Variants in RALGPS1 observed in about 807,000 individuals in gnomAD.
RALGPS1 encodes ras-specific guanine nucleotide-releasing factor RalGPS1.
RALGPS1 carries 19 observed loss-of-function variants against 78.8 expected under a neutral mutation model. That is an observed-to-expected ratio of 0.24 (90% CI 0.17 to 0.35). The LOEUF (loss-of-function observed/expected upper bound fraction) is 0.35, where lower values mean the gene tolerates loss of function less well. RALGPS1 is among the 10% of genes least tolerant of loss of function. The pLI, the probability that RALGPS1 is intolerant of heterozygous loss-of-function variation, is 1.00. For missense variants in RALGPS1, 454 were observed against 688.3 expected, an observed-to-expected ratio of 0.66 and a Z score of 3.81; for synonymous variants, 228 against 256.3, an observed-to-expected ratio of 0.89 and a Z score of 1.06.
At chr9:126,947,070 G>C (rs1418801211) in intron 1 of RALGPS1, among the ~76,000 whole-genome samples, 1 of 152,182 alleles carries the variant, frequency 6.6e-6, no homozygotes, top group African/African-American at 2.4e-5. Context: ...CTGGTCTTCA[G>C]AGAAATGCAT....
At chr9:127,138,401 C>A (rs1226343194) in intron 8 of RALGPS1, among the ~76,000 whole-genome samples, 1 of 152,142 alleles carries the variant, frequency 6.6e-6, no homozygotes, top group Non-Finnish European at 1.5e-5. Context: ...GGCCATCAAG[C>A]CACCAGTGAG....
At chr9:127,194,967 G>C in intron 11 of RALGPS1, 124 bp from the exon 12 acceptor site, 1 of 1,192,832 alleles carries the variant, frequency 8.4e-7, no homozygotes, top group Non-Finnish European at 1.2e-6. Context: ...TGCCCCACCT[G>C]TGACAGCTGG....
intron 11 of RALGPS1, among the ~76,000 whole-genome samples, chr9:127,185,679 T>C (rs1192330963): frequency 6.6e-6 from 1 of 152,236 alleles, no homozygotes; most frequent in Non-Finnish European, 1.5e-5. Flanking sequence ...GTGTAGTTGT[T>C]GCCTTTACCG....
chr9:127,001,655 T>C (rs1175837556), intron 4 of RALGPS1, among the ~76,000 whole-genome samples: 2 of 151,770 alleles, frequency 1.3e-5, no homozygotes, highest in East Asian at 3.9e-4. Flanking sequence ...GGAGGCTGAG[T>C]TGGGTGGATT....
chr9:126,931,044 T>G (rs867003260), intron 1 of RALGPS1, among the ~76,000 whole-genome samples: 21 of 152,172 alleles, frequency 1.4e-4, no homozygotes, highest in African/African-American at 4.8e-4. Flanking sequence ...TAGGCCAGAG[T>G]AGGTATGGAG....
chr9:127,202,633 G>A (rs953933954), intron 14 of RALGPS1, among the ~76,000 whole-genome samples: 1 of 152,162 alleles, frequency 6.6e-6, no homozygotes, highest in African/African-American at 2.4e-5. Context: ...GAGATGCAGG[G>A]AGGTGTTTGT....
Position 127,212,774 on chromosome 9 carries a change from C to G in RALGPS1, c.1446+55C>G. On this transcript the variant is annotated intron_variant, in intron 16 of 18. Transcript: ENST00000259351. This position sits in a 1 kb window ranked among gnomAD's most constrained non-coding sequence, Gnocchi z 6.0. ...GGACTTCCTCTAGTGGGGAAGGGACCTCTGTGAACTGTGGAGGATGGGGGT... is the reference window on the plus strand; with the variant it reads ...GGACTTCCTCTAGTGGGGAAGGGACGTCTGTGAACTGTGGAGGATGGGGGT... 1 of 1,534,352 alleles carries G rather than the reference C, an allele frequency of 6.5e-7. No individual in the cohort carries two copies. The highest frequency in any genetic ancestry group is 9.0e-7 in the Non-Finnish European group (1 of 1,115,708).
chr9:127,183,792 T>C lies in RALGPS1; in HGVS notation c.910+9010T>C. 2.2e-6 allele frequency: 3 copies of C among 1,341,788 alleles called. No individual in the cohort carries two copies. The highest frequency in any genetic ancestry group is 3.0e-6 in the Non-Finnish European group (3 of 990,954). The allele number at this position is 1,341,788 out of a possible 1,614,324, so 83.1% of individuals were successfully genotyped here. Reference sequence around the variant, plus strand: ...CGGAATGGATGGGTGGGAGGGGCCCTCCATGAGGACCTCAGGGATAGGAGG... The same window carrying C: ...CGGAATGGATGGGTGGGAGGGGCCCCCCATGAGGACCTCAGGGATAGGAGG... On this transcript the variant is annotated intron_variant, in intron 11 of 18. Transcript: ENST00000259351. The surrounding 1 kb of genome is among the most constrained non-coding windows in gnomAD (Gnocchi z 4.0).
intron 8 of RALGPS1, among the ~76,000 whole-genome samples, chr9:127,090,022 A>G (rs114466746): frequency 5.9e-5 from 9 of 152,112 alleles, no homozygotes; most frequent in Non-Finnish European, 1.2e-4. Context: ...AGGAGGTCGC[A>G]CTCAGTCTGA....
intron 8 of RALGPS1, among the ~76,000 whole-genome samples, chr9:127,137,448 C>T (rs1588115883): frequency 6.6e-6 from 1 of 152,206 alleles, no homozygotes; most frequent in African/African-American, 2.4e-5. Context: ...GAAGTCACTC[C>T]CTGAGAGGGG....
chr9:126,991,398 TTC>T (rs1324140631), intron 4 of RALGPS1, among the ~76,000 whole-genome samples: 1 of 152,164 alleles, frequency 6.6e-6, no homozygotes, highest in African/African-American at 2.4e-5. Context: ...TTTTTTTTCC[TTC>T]TTGAGCATGG....
chr9:127,090,508 C>T (rs1325262478), intron 8 of RALGPS1, among the ~76,000 whole-genome samples: 1 of 152,218 alleles, frequency 6.6e-6, no homozygotes, highest in East Asian at 1.9e-4. Flanking sequence ...ATGGGCAGGT[C>T]ATGTCCCTCC....
In RALGPS1 at chr9:126,977,724, G is replaced by T; in HGVS notation, c.195G>T (p.Val65=). Residue 65 remains valine (V), a synonymous_variant, in exon 4 of 19, where the codon GTG becomes GTT. Transcript: ENST00000259351. The part of the protein sequence containing the change: ...ASQITLMDIP[V]FKAIQPEELA... ...AGATTACATTAATGGATATACCTGT[G>T]TTTAAAGCTATCCAGCCGGAGGTCT... The T allele has an allele frequency of 6.2e-7, 1 of 1,602,760 alleles. No homozygotes were observed. Among genetic ancestry groups the T allele is most frequent in the Non-Finnish European group, 8.5e-7 (1 of 1,174,024 alleles).
At chr9:126,916,332 A>G (rs532925686) in intron 1 of RALGPS1, among the ~76,000 whole-genome samples, 12 of 152,310 alleles carry the variant, frequency 7.9e-5, no homozygotes, top group African/African-American at 2.9e-4. Flanking sequence ...AGCTGCTGCA[A>G]CGCAGGGAGC....
intron 2 of RALGPS1, among the ~76,000 whole-genome samples, chr9:126,965,143 A>T (rs2039348562): frequency 6.6e-6 from 1 of 152,352 alleles, no homozygotes; most frequent in African/African-American, 2.4e-5. Context: ...ACTCTTTCAT[A>T]TACATGCAGG....
intron 8 of RALGPS1, among the ~76,000 whole-genome samples, chr9:127,121,873 A>G (rs1045203697): frequency 6.6e-6 from 1 of 152,074 alleles, no homozygotes; most frequent in Non-Finnish European, 1.5e-5. Flanking sequence ...TTTGCCTCAC[A>G]TTGTCCCGGC....
At position 127,220,661 on chromosome 9, in the gene RALGPS1, A is replaced by G. The variant is rs573621727; in HGVS notation, c.*1892A>G. The G allele has an allele frequency of 2.6e-5, 4 of 152,346 alleles. No homozygotes were observed. The highest frequency in any genetic ancestry group is 9.6e-5 in the African/African-American group (4 of 41,584). The allele number at this position is 152,346 out of a possible 1,614,324, so 9.4% of individuals were successfully genotyped here. Reference sequence around the variant, plus strand: ...AAACACTCCACCTCTGATCAGAACCATGCAGTGTTAACACTTTAACCTACA... The same window carrying G: ...AAACACTCCACCTCTGATCAGAACCGTGCAGTGTTAACACTTTAACCTACA... On this transcript the variant is annotated 3_prime_UTR_variant, in exon 19 of 19. Coordinates refer to ENST00000259351, the MANE Select transcript of RALGPS1 (RefSeq NM_014636.3).
At chr9:127,063,052 T>C (rs1409605842) in intron 7 of RALGPS1, among the ~76,000 whole-genome samples, 1 of 152,192 alleles carries the variant, frequency 6.6e-6, no homozygotes, top group Non-Finnish European at 1.5e-5. Flanking sequence ...TTTAACATAT[T>C]TGGAGCAACA....
rs79618469 is a variant in RALGPS1, at chr9:127,068,001, G to A, written c.484-1229G>A. Among the ~76,000 whole-genome samples, 756 of 152,288 alleles carry A rather than the reference G, an allele frequency of 5.0e-3. 20 individuals are homozygous for A. In the East Asian group the frequency reaches 0.075, roughly 15 times the overall value. On this transcript the variant is annotated intron_variant, in intron 7 of 18. Coordinates refer to ENST00000259351, the MANE Select transcript of RALGPS1 (RefSeq NM_014636.3). Reference sequence around the variant, plus strand: ...CCTTAGCATAAAGTCTTGAAAACCAGGAGTTCTGGTTTCTGTTCCTTTCTT... The same window carrying A: ...CCTTAGCATAAAGTCTTGAAAACCAAGAGTTCTGGTTTCTGTTCCTTTCTT...
Sources: allele counts gnomAD v4.1 joint callset (sites outside exome capture counted in the v4.1 genomes callset), GRCh38; gene constraint gnomAD v4.1.1; non-coding constraint Gnocchi (gnomAD v3.1); transcripts MANE v1.5; gene names NCBI Gene and HGNC (gene_info 2026-07-23, HGNC 2026-07-21).